RARB: variants seen among roughly 807,000 people sequenced by gnomAD.
RARB encodes retinoic acid receptor beta, also known as HBV-activated protein.
Under a neutral mutation model 51.9 loss-of-function variants are expected in RARB, and 17 were observed. That is an observed-to-expected ratio of 0.33 (90% CI 0.22 to 0.49). RARB has a LOEUF of 0.49. Ranked by LOEUF, RARB falls within the 20% of genes least tolerant of loss-of-function variation. The pLI, the probability that RARB is intolerant of heterozygous loss-of-function variation, is 0.99. For missense variants in RARB, 369 were observed against 550.8 expected, an observed-to-expected ratio of 0.67 and a Z score of 3.30; for synonymous variants, 215 against 195.4, an observed-to-expected ratio of 1.10 and a Z score of -0.84.
At chr3:24,918,747 T>C (rs1695157790) in intron 2 of RARB, among the ~76,000 whole-genome samples, 1 of 152,016 alleles carries the variant, frequency 6.6e-6, no homozygotes, top group Non-Finnish European at 1.5e-5. Context: ...AAAAATTAGC[T>C]GGTCGTGGTG....
At chr3:25,448,290 C>G (rs1468989739) in intron 1 of RARB, among the ~76,000 whole-genome samples, 1 of 152,008 alleles carries the variant, frequency 6.6e-6, no homozygotes, top group Middle Eastern at 3.2e-3. Flanking sequence ...GTGAAAATGT[C>G]TTTGAATTAT....
At chr3:25,556,917 C>T (rs1301815239) in intron 3 of RARB, among the ~76,000 whole-genome samples, 1 of 152,188 alleles carries the variant, frequency 6.6e-6, no homozygotes, top group African/African-American at 2.4e-5. Flanking sequence ...ATTGGAATTT[C>T]TCTCATCTTT....
chr3:25,586,615 T>C (rs1475997699), intron 5 of RARB, among the ~76,000 whole-genome samples: 1 of 152,212 alleles, frequency 6.6e-6, no homozygotes, highest in African/African-American at 2.4e-5. Context: ...AGGAAAATAT[T>C]CCCATGCCAG....
intron 3 of RARB, among the ~76,000 whole-genome samples, chr3:25,112,377 T>C (rs1356254454): frequency 6.6e-6 from 1 of 152,204 alleles, no homozygotes; most frequent in Non-Finnish European, 1.5e-5. Flanking sequence ...CTCAATCTTA[T>C]ATCTTCATTT....
chr3:24,990,818 C>T (rs1696894060), intron 2 of RARB, among the ~76,000 whole-genome samples: 1 of 152,082 alleles, frequency 6.6e-6, no homozygotes, highest in African/African-American at 2.4e-5. Flanking sequence ...CAACAAATCC[C>T]ACATGGGATT....
At position 25,445,335 on chromosome 3, in the gene RARB, A is replaced by C. The variant is rs931918235; in HGVS notation, c.158-15858A>C. Among the ~76,000 whole-genome samples, 4 of 152,324 alleles carry C rather than the reference A, an allele frequency of 2.6e-5. No homozygotes were observed. The East Asian group carries it at 7.7e-4, about 29-fold the overall frequency. On this transcript the variant is annotated intron_variant, in intron 1 of 7. Coordinates refer to ENST00000330688, the MANE Select transcript of RARB (RefSeq NM_000965.5). ...ACCACGTTGCCGTAAACTGGGTGGC[A>C]TATGTCAGTAGACAGTTATTTCATA...
intron 5 of RARB, among the ~76,000 whole-genome samples, chr3:25,186,246 A>G (rs1700971537): frequency 6.6e-6 from 1 of 152,116 alleles, no homozygotes; most frequent in African/African-American, 2.4e-5. Context: ...ATGGTATGCC[A>G]TTTTATATCC....
intron 5 of RARB, among the ~76,000 whole-genome samples, chr3:25,204,310 C>G (rs1701473157): frequency 6.6e-6 from 1 of 152,156 alleles, no homozygotes; most frequent in South Asian, 2.1e-4. Context: ...ATTGATTGTT[C>G]TAGTTAGCCA....
intron 5 of RARB, among the ~76,000 whole-genome samples, chr3:25,339,780 G>A (rs1344641897): frequency 6.6e-6 from 1 of 152,010 alleles, no homozygotes; most frequent in Non-Finnish European, 1.5e-5. Flanking sequence ...CTCCAGAGAA[G>A]GTCTGAAGAC....
At chr3:25,277,204 A>G (rs577663180) in intron 5 of RARB, among the ~76,000 whole-genome samples, 3 of 152,330 alleles carry the variant, frequency 2.0e-5, no homozygotes, top group Admixed American at 6.5e-5. Flanking sequence ...GTAGGTGTCA[A>G]ATAATTGGTA....
At chr3:25,063,931 A>G (rs952610925) in intron 3 of RARB, among the ~76,000 whole-genome samples, 1 of 152,074 alleles carries the variant, frequency 6.6e-6, no homozygotes, top group Admixed American at 6.6e-5. Flanking sequence ...GGAAGACTCT[A>G]ATTACCAAAT....
At chr3:25,132,151 TCTC>T (rs750626298) in intron 3 of RARB, among the ~76,000 whole-genome samples, 1 of 151,884 alleles carries the variant, frequency 6.6e-6, no homozygotes, top group Non-Finnish European at 1.5e-5. Context: ...TTTCCTCTCT[TCTC>T]CTCAAGGAAG....
chr3:25,449,759 T>C (rs1709108208), intron 1 of RARB, among the ~76,000 whole-genome samples: 1 of 148,794 alleles, frequency 6.7e-6, no homozygotes, highest in Non-Finnish European at 1.5e-5. Flanking sequence ...TCTCTCTCTT[T>C]TTTTTTTTTT....
chr3:24,903,055 T>C (rs969307483), intron 2 of RARB, among the ~76,000 whole-genome samples: 2 of 152,150 alleles, frequency 1.3e-5, no homozygotes, highest in Admixed American at 6.5e-5. Context: ...AAAAACTGTT[T>C]TGACATGCTT....
Position 24,918,614 on chromosome 3 carries a change from G to A in RARB, c.-380+59862G>A, listed in dbSNP as rs148174341. Among the ~76,000 whole-genome samples, 222 of 152,348 alleles carry A rather than the reference G, an allele frequency of 1.5e-3. 1 individual carries two copies. Among genetic ancestry groups the A allele is most frequent in the African/African-American group, 4.7e-3 (197 of 41,574 alleles). ...AATTTAGACTAGGGCTGGGCACAGT[G>A]GCTCGCACCTGTAATCCCAGCACTT... On this transcript the variant is annotated intron_variant, in intron 2 of 11. Coordinates refer to the RARB transcript ENST00000383772.
At chr3:25,143,465 A>T (rs1603981) in intron 4 of RARB, among the ~76,000 whole-genome samples, 117,324 of 152,128 alleles carry the variant, frequency 0.77, 45,536 homozygotes, top group Non-Finnish European at 0.82. Context: ...CCCGATCCAA[A>T]AGATGATGAG....
At chr3:25,570,058 A>C in intron 4 of RARB, 140 bp downstream of exon 4, 1 of 1,235,648 alleles carries the variant, frequency 8.1e-7, no homozygotes, top group Non-Finnish European at 1.1e-6. Context: ...CATGCTAGCC[A>C]GCTGGGGCTA....
intron 4 of RARB, among the ~76,000 whole-genome samples, chr3:25,158,932 G>T (rs949747508): frequency 6.6e-6 from 1 of 151,994 alleles, no homozygotes; most frequent in Non-Finnish European, 1.5e-5. Context: ...TTCTGTAGGC[G>T]ATTTGGGGGA....
At chr3:25,242,001 A>G (rs1391541925) in intron 5 of RARB, among the ~76,000 whole-genome samples, 2 of 152,082 alleles carry the variant, frequency 1.3e-5, no homozygotes, top group Non-Finnish European at 2.9e-5. Context: ...AATGATCACC[A>G]CTTTAACTGG....
Sources: allele counts gnomAD v4.1 joint callset (sites outside exome capture counted in the v4.1 genomes callset), GRCh38; gene constraint gnomAD v4.1.1; transcripts MANE v1.5; gene names NCBI Gene and HGNC (gene_info 2026-07-23, HGNC 2026-07-21).